PARP9: variants seen among roughly 807,000 people sequenced by gnomAD.
PARP9 encodes the protein protein mono-ADP-ribosyltransferase PARP9.
A neutral mutation model predicts 68.8 loss-of-function variants in PARP9; 48 were observed. The observed-to-expected ratio is 0.70, with a 90% confidence interval of 0.55 to 0.89. The LOEUF (loss-of-function observed/expected upper bound fraction) is 0.89, where lower values mean the gene tolerates loss of function less well. Ranked by LOEUF, PARP9 falls within the 40% of genes least tolerant of loss-of-function variation. The pLI, the probability that PARP9 is intolerant of heterozygous loss-of-function variation, is 0.00. For synonymous variants in PARP9, 309 were observed against 333.8 expected, an observed-to-expected ratio of 0.93 and a Z score of 0.81; for missense variants, 806 against 969.3, an observed-to-expected ratio of 0.83 and a Z score of 2.24.
intron 10 of PARP9, 75 bp from the exon 11 acceptor site, chr3:122,528,818 C>T: frequency 7.6e-7 from 1 of 1,315,316 alleles, no homozygotes. Context: ...GTACTAATAT[C>T]TATTCTTTCT....
chr3:122,540,894 T>C (rs745934248), intron 7 of PARP9, 42 bp from the exon 8 acceptor site: 1 of 1,271,444 alleles, frequency 7.9e-7, no homozygotes, highest in East Asian at 2.6e-5. Flanking sequence ...ACTAGCAGTT[T>C]TTTGTTTTTT....
At chr3:122,564,126 T>C (rs1158570472) in intron 1 of PARP9, 119 bp downstream of exon 1, 1 of 421,756 alleles carries the variant, frequency 2.4e-6, no homozygotes, top group African/African-American at 2.1e-5. Flanking sequence ...TTGCATAGTC[T>C]ACTCACAAGG....
intron 7 of PARP9, among the ~76,000 whole-genome samples, chr3:122,543,813 C>T (rs2078461773): frequency 6.7e-6 from 1 of 149,934 alleles, no homozygotes; most frequent in African/African-American, 2.5e-5. Flanking sequence ...GTTTTAACAT[C>T]TTGCCCAGGC....
At chr3:122,543,207 G>A (rs746365173) in intron 7 of PARP9, among the ~76,000 whole-genome samples, 21 of 151,740 alleles carry the variant, frequency 1.4e-4, no homozygotes, top group South Asian at 2.1e-4. Context: ...CACCGTGCCC[G>A]GCTGAATTAA....
At chr3:122,528,885 G>C in intron 10 of PARP9, 142 bp from the exon 11 acceptor site, 1 of 835,388 alleles carries the variant, frequency 1.2e-6, no homozygotes, top group South Asian at 2.1e-5. Flanking sequence ...CTATAGCAAA[G>C]ACACTCAAAA....
At position 122,555,436 on chromosome 3, in the gene PARP9, A is replaced by C. The variant is rs148992327; in HGVS notation, c.735T>G (p.Asn245Lys). The C allele has an allele frequency of 1.2e-6, 2 of 1,614,056 alleles. No individual in the cohort carries two copies. The highest frequency in any genetic ancestry group is 4.5e-5 in the East Asian group (2 of 44,870). ...TAAAGGCAGCAACAGTAGGGTCCTCATTGCTCACCAGGTGAATTTCTTTCA... is the reference window on the plus strand; with the variant it reads ...TAAAGGCAGCAACAGTAGGGTCCTCCTTGCTCACCAGGTGAATTTCTTTCA... ...SNLKEIHLVS[N>K]EDPTVAAFKA... Residue 245 changes from asparagine (N) to lysine (K), a missense_variant, in exon 4 of 11, where the codon AAT (asparagine) becomes AAG (lysine). By Grantham distance (94) the Asn-to-Lys change is moderately conservative. Around this residue, in one of 2 missense-constraint regions of PARP9, gnomAD observed 680 missense variants for 858.8 expected, o/e 0.79. Coordinates refer to ENST00000682323, the MANE Select transcript of PARP9 (RefSeq NM_001146105.2).
At chr3:122,557,385 A>ATT (rs2079789493) in intron 3 of PARP9, among the ~76,000 whole-genome samples, 2 of 152,328 alleles carry the variant, frequency 1.3e-5, no homozygotes, top group Non-Finnish European at 1.5e-5. Context: ...GTCTGGCACA[A>ATT]TTTTGGTGAA....
At chr3:122,539,570 T>TCTTTCTTTCTTTC (rs1242464386) in intron 8 of PARP9, among the ~76,000 whole-genome samples, 67 of 135,330 alleles carry the variant, frequency 5.0e-4, no homozygotes, top group Middle Eastern at 3.8e-3. Context: ...TTTCTTTCTT[T>TCTTTCTTTCTTTC]TTTTTTTGAG....
At chr3:122,557,994 T>G (rs1446236652) in intron 3 of PARP9, among the ~76,000 whole-genome samples, 1 of 152,236 alleles carries the variant, frequency 6.6e-6, no homozygotes, top group East Asian at 1.9e-4. Context: ...AATCTGAGTC[T>G]CCTAGAAAGA....
intron 1 of PARP9, among the ~76,000 whole-genome samples, chr3:122,563,543 T>G (rs1397654886): frequency 1.3e-5 from 2 of 152,214 alleles, no homozygotes; most frequent in Non-Finnish European, 2.9e-5. Context: ...GCAAAAATTT[T>G]AGAATGAACC....
intron 1 of PARP9, among the ~76,000 whole-genome samples, chr3:122,560,431 C>G (rs1421150584): frequency 6.6e-6 from 1 of 151,960 alleles, no homozygotes; most frequent in Non-Finnish European, 1.5e-5. Context: ...CACTCTGTCC[C>G]CCAGGAATGC....
intron 2 of PARP9, among the ~76,000 whole-genome samples, chr3:122,559,209 G>A (rs546437072): frequency 6.6e-6 from 1 of 152,320 alleles, no homozygotes; most frequent in Admixed American, 6.5e-5. Flanking sequence ...CACCAGCAAG[G>A]ATCCACTTTT....
At chr3:122,532,076 T>C (rs1318765479) in intron 10 of PARP9, 2 of 887,996 alleles carry the variant, frequency 2.3e-6, no homozygotes, top group African/African-American at 1.8e-5. Context: ...GGCCTGACTC[T>C]GGTGGGTGCA....
intron 3 of PARP9, among the ~76,000 whole-genome samples, chr3:122,557,425 C>A (rs1240237277): frequency 6.6e-6 from 1 of 152,176 alleles, no homozygotes; most frequent in African/African-American, 2.4e-5. Context: ...AAATTATTTA[C>A]CGTATGTGGC....
rs768622146 is a variant in PARP9 at position 122,558,489 on chromosome 3, T to C, written c.16-22A>G. The stretch of plus-strand genomic sequence containing the variant: ...CCACCTGTGAAAAATGAGAATGGCT[T>C]TCTTAAAAAATGGAAGTGGAATGAC... On this transcript the variant is annotated intron_variant, in intron 2 of 10. Transcript: ENST00000682323. The C allele has an allele frequency of 3.2e-5, 51 of 1,612,652 alleles. 2 individuals carry two copies. In the South Asian group the frequency reaches 5.3e-4, roughly 17 times the overall value.
intron 1 of PARP9, among the ~76,000 whole-genome samples, chr3:122,560,017 A>G (rs945797731): frequency 5.3e-4 from 81 of 152,322 alleles, no homozygotes; most frequent in Non-Finnish European, 1.0e-3. Context: ...AGGTTTTTAC[A>G]TATTTAGAAG....
At chr3:122,539,970 G>A (rs1206178357) in intron 8 of PARP9, among the ~76,000 whole-genome samples, 1 of 152,152 alleles carries the variant, frequency 6.6e-6, no homozygotes, top group Non-Finnish European at 1.5e-5. Context: ...GTTTAGTCCC[G>A]CTGAATGGGA....
intron 2 of PARP9, 107 bp from the exon 3 acceptor site, chr3:122,558,574 A>C: frequency 3.6e-6 from 5 of 1,371,412 alleles, no homozygotes; most frequent in Non-Finnish European, 4.0e-6. Flanking sequence ...ATCCTGCTCA[A>C]AGCACTGTGT....
chr3:122,536,687 C>G, intron 9 of PARP9: 1 of 549,872 alleles, frequency 1.8e-6, no homozygotes, highest in Non-Finnish European at 3.1e-6. Context: ...TTTTATTTTG[C>G]TCAAAGACGG....
Sources: gnomAD v4.1 joint callset for allele counts (sites outside exome capture counted in the v4.1 genomes callset) on GRCh38, gnomAD v4.1.1 for gene constraint, gnomAD v4.1.1 regional missense constraint, MANE v1.5 for transcripts, NCBI Gene and HGNC (gene_info 2026-07-23, HGNC 2026-07-21) for gene names.